Variants in ACYP2 observed in about 807,000 individuals in gnomAD.
The protein encoded by ACYP2 is acylphosphatase-2.
ACYP2 carries 12 observed loss-of-function variants against 11.2 expected under a neutral mutation model. The observed-to-expected ratio is 1.08, with a 90% CI of 0.69 to 1.74. The LOEUF is 1.74. Ranked by LOEUF, ACYP2 falls within the 40% of genes most tolerant of loss-of-function variation. The pLI, the probability that ACYP2 is intolerant of heterozygous loss-of-function variation, is 0.00. For synonymous variants in ACYP2, 43 were observed against 32.2 expected (o/e 1.33, Z -1.13); for missense variants, 134 against 101.9 (o/e 1.31, Z -1.35).
At chr2:54,135,395 CAT>C (rs1234430160) in intron 4 of ACYP2, 56 bp from the exon 2 acceptor site, 5 of 1,542,270 alleles carry the variant, frequency 3.2e-6, no homozygotes, top group Admixed American at 3.6e-5. Context: ...AGTCAGGAAA[CAT>C]ATAACCTTTT....
chr2:54,236,656 G>A (rs562041093), intron 6 of ACYP2, among the ~76,000 whole-genome samples: 1 of 152,220 alleles, frequency 6.6e-6, no homozygotes, highest in East Asian at 1.9e-4. Flanking sequence ...TGTATATTCT[G>A]ATGTTTCAAG....
intron 6 of ACYP2, among the ~76,000 whole-genome samples, chr2:54,147,285 C>T (rs1442875543): frequency 6.6e-6 from 1 of 151,990 alleles, no homozygotes; most frequent in Non-Finnish European, 1.5e-5. Context: ...GGAAATTTTC[C>T]AATATGTAGA....
chr2:54,107,247 G>T (rs1316366297), intron 4 of ACYP2, among the ~76,000 whole-genome samples: 1 of 152,108 alleles, frequency 6.6e-6, no homozygotes, highest in African/African-American at 2.4e-5. Context: ...AAACCAAGTA[G>T]ATAGTAAAAA....
intron 6 of ACYP2, among the ~76,000 whole-genome samples, chr2:54,297,832 T>G (rs1207064895): frequency 6.6e-6 from 1 of 152,318 alleles, no homozygotes; most frequent in East Asian, 1.9e-4. Flanking sequence ...GTGAGAAACT[T>G]AAAGACTTGA....
At chr2:54,028,418 A>G (rs1182813613) in intron 2 of ACYP2, among the ~76,000 whole-genome samples, 1 of 152,118 alleles carries the variant, frequency 6.6e-6, no homozygotes, top group African/African-American at 2.4e-5. Flanking sequence ...TTTCCCGGCA[A>G]TTCCCCTCAG....
intron 1 of ACYP2, among the ~76,000 whole-genome samples, chr2:53,972,523 C>T (rs1007252919): frequency 2.6e-5 from 4 of 151,944 alleles, no homozygotes; most frequent in Non-Finnish European, 4.4e-5. Context: ...AGGAGAATGG[C>T]GTGAATCCGG....
intron 5 of ACYP2, among the ~76,000 whole-genome samples, chr2:54,137,749 G>GCACACA (rs1228867924): frequency 2.6e-5 from 4 of 152,160 alleles, no homozygotes; most frequent in Non-Finnish European, 5.9e-5. Context: ...ACATATGTGT[G>GCACACA]TATGTGTGTT....
At chr2:54,284,034 C>T (rs1397971007) in intron 6 of ACYP2, among the ~76,000 whole-genome samples, 2 of 152,186 alleles carry the variant, frequency 1.3e-5, no homozygotes, top group East Asian at 3.8e-4. Context: ...TCACTTGAAC[C>T]CAGGAGGCGG....
At position 54,024,101 on chromosome 2, in the gene ACYP2, C is replaced by T. The variant is rs144778300; in HGVS notation, c.63-26857C>T. Reference sequence around the variant, plus strand: ...TCAAAAAGATAATCCAGGCTGAGTGCGGTGGCTCATGCCTGTAATCCCAGC... The same window carrying T: ...TCAAAAAGATAATCCAGGCTGAGTGTGGTGGCTCATGCCTGTAATCCCAGC... On this transcript the variant is annotated intron_variant, in intron 2 of 6. Transcript: ENST00000607452. Among the ~76,000 whole-genome samples, 1,330 of 152,174 alleles carry T rather than the reference C, an allele frequency of 8.7e-3. 22 individuals carry two copies. The highest frequency in any genetic ancestry group is 0.03 in the African/African-American group (1,231 of 41,524).
intron 4 of ACYP2, chr2:54,084,710 CAG>C (rs952788575): frequency 6.6e-6 from 1 of 152,160 alleles, no homozygotes; most frequent in Non-Finnish European, 1.5e-5. Flanking sequence ...TAACAATTAA[CAG>C]TATTATTTAT....
intron 5 of ACYP2, among the ~76,000 whole-genome samples, chr2:54,138,387 C>G (rs771559235): frequency 6.6e-6 from 1 of 152,140 alleles, no homozygotes; most frequent in Non-Finnish European, 1.5e-5. Context: ...ATAATTCTCA[C>G]TCTCAGCGTA....
chr2:54,184,389 G>A lies in ACYP2; in HGVS notation c.404+45641G>A, dbSNP rs774165208. ...TTAATTTTTTTATATTTTTGTTCAT[G>A]GGGACCTTATACAGTGTGAGCCCCA... is the stretch of plus-strand genomic sequence containing the variant. On this transcript the variant is annotated intron_variant, in intron 6 of 6. Transcript: ENST00000607452. Among the ~76,000 whole-genome samples the A allele has an allele frequency of 2.0e-5, 3 of 152,018 alleles. No individual in the cohort carries two copies. The South Asian group carries it at 6.2e-4, about 32-fold the overall frequency.
At chr2:54,229,502 T>C (rs568272537) in intron 6 of ACYP2, among the ~76,000 whole-genome samples, 4 of 152,234 alleles carry the variant, frequency 2.6e-5, no homozygotes, top group African/African-American at 9.6e-5. Context: ...ATGTATATTA[T>C]TTGGAGAGCC....
rs1050198551 is a variant in ACYP2 at position 54,112,921 on chromosome 2, G to A, written c.278-22532G>A. On this transcript the variant is annotated intron_variant, in intron 4 of 6. Coordinates refer to ENST00000607452, the MANE Select transcript of ACYP2 (RefSeq NM_001320586.2). ...TAAACCTACCTAATAATTGGCAGGG[G>A]TACTCTTGGGTAAATGTGGAGAAAA... is the stretch of plus-strand genomic sequence containing the variant. 3.3e-5 allele frequency among the ~76,000 whole-genome samples: 5 copies of A among 152,190 alleles called. No homozygotes were observed. The South Asian group carries it at 1.0e-3, about 31-fold the overall frequency.
intron 6 of ACYP2, among the ~76,000 whole-genome samples, chr2:54,190,424 C>T (rs942096761): frequency 1.3e-5 from 2 of 152,122 alleles, no homozygotes; most frequent in African/African-American, 4.8e-5. Flanking sequence ...CTCCCTTTCT[C>T]TCTCACTAAT....
intron 2 of ACYP2, among the ~76,000 whole-genome samples, chr2:53,976,751 C>G (rs1259198453): frequency 6.6e-6 from 1 of 152,132 alleles, no homozygotes; most frequent in African/African-American, 2.4e-5. Flanking sequence ...ATCTACTTCA[C>G]TTCATTTGAA....
chr2:54,019,871 C>T (rs755384800), intron 2 of ACYP2, among the ~76,000 whole-genome samples: 3 of 151,764 alleles, frequency 2.0e-5, no homozygotes, highest in Non-Finnish European at 2.9e-5. Context: ...CCACCTGCCT[C>T]GGCCTTCCAA....
intron 6 of ACYP2, among the ~76,000 whole-genome samples, chr2:54,194,442 T>C (rs1203258045): frequency 6.6e-6 from 1 of 152,208 alleles, no homozygotes; most frequent in Non-Finnish European, 1.5e-5. Flanking sequence ...AACTGCATAC[T>C]TTTATTGAGT....
At chr2:54,174,599 T>A (rs1683357865) in intron 6 of ACYP2, among the ~76,000 whole-genome samples, 2 of 152,220 alleles carry the variant, frequency 1.3e-5, no homozygotes, top group Non-Finnish European at 2.9e-5. Context: ...CCTTGTCTTG[T>A]GCTGGTTTTC....
Sources: allele counts gnomAD v4.1 joint callset (sites outside exome capture counted in the v4.1 genomes callset), GRCh38; gene constraint gnomAD v4.1.1; transcripts MANE v1.5; gene names NCBI Gene and HGNC (gene_info 2026-07-23, HGNC 2026-07-21).